SLC17A6: variants seen among roughly 807,000 people sequenced by gnomAD.
SLC17A6 encodes solute carrier family 17 member 6, also known as vesicular glutamate transporter 2.
SLC17A6 carries 35 observed loss-of-function variants against 67.1 expected under a neutral mutation model. The observed-to-expected ratio is 0.52, with a 90% confidence interval of 0.40 to 0.69. The LOEUF (loss-of-function observed/expected upper bound fraction) is 0.69. SLC17A6 is among the 30% of genes least tolerant of loss of function. SLC17A6 has a pLI of 0.00. For missense variants in SLC17A6, 588 were observed against 723.9 expected, an observed-to-expected ratio of 0.81 and a Z score of 2.15; for synonymous variants, 285 against 252.3, an observed-to-expected ratio of 1.13 and a Z score of -1.23.
chr11:22,372,285 A>G (rs1856182385), intron 8 of SLC17A6, among the ~76,000 whole-genome samples: 1 of 151,496 alleles, frequency 6.6e-6, no homozygotes, highest in Admixed American at 6.6e-5. Context: ...TAACTGAGAT[A>G]TACATATATA....
In SLC17A6 at chr11:22,376,526, A is replaced by G. The variant is rs776350731; in HGVS notation, c.1286-19A>G. On this transcript the variant is annotated intron_variant, in intron 10 of 11. Transcript: ENST00000263160. ...GACGTTTAGGATGCCCTGAGTCAAA[A>G]CTTATGTGTGTATTTCAGGTTTCAA... is the stretch of plus-strand genomic sequence containing the variant. 3 of 1,613,730 alleles carry G rather than the reference A, an allele frequency of 1.9e-6. No homozygotes were observed. Among genetic ancestry groups the G allele is most frequent in the Non-Finnish European group, 2.5e-6 (3 of 1,179,798 alleles).
intron 4 of SLC17A6, 66 bp downstream of exon 4, chr11:22,359,593 T>C: frequency 1.0e-5 from 9 of 882,896 alleles, no homozygotes; most frequent in Non-Finnish European, 1.5e-5. Flanking sequence ...AGTTTATCTT[T>C]GTCTTTATCT....
chr11:22,374,884 G>T lies in SLC17A6; in HGVS notation c.1171G>T (p.Gly391Cys), dbSNP rs779278797. ...TTTVRKIMNC[G>C]GFGMEATLLL... ...GACAGTGAGAAAGATCATGAATTGTGGTGGTAAGTACATAAGTGGCACTAA... is the reference window on the plus strand; with the variant it reads ...GACAGTGAGAAAGATCATGAATTGTTGTGGTAAGTACATAAGTGGCACTAA... The change falls in exon 9 of 12, where the codon GGT becomes TGT. Residue 391 changes from glycine (G) to cysteine (C), a missense_variant. Around this residue, in one of 4 missense-constraint regions of SLC17A6, gnomAD observed 414 missense variants for 563.4 expected, o/e 0.73. Coordinates refer to ENST00000263160, the MANE Select transcript of SLC17A6 (RefSeq NM_020346.3). 6.2e-7 allele frequency: 1 copy of T among 1,611,720 alleles called. No individual in the cohort carries two copies. Among genetic ancestry groups the T allele is most frequent in the Admixed American group, 1.7e-5 (1 of 59,560 alleles).
rs1281998573 is a variant in SLC17A6 at position 22,339,153 on chromosome 11, TTA to T, written c.86+544_86+545del. On this transcript the variant is annotated intron_variant, in intron 1 of 11. Transcript: ENST00000263160. ...TGTTATATATATATGTTATATATAGTTATATATATATGTTATATATATATGTT... is the reference window on the plus strand; with the variant it reads ...TGTTATATATATATGTTATATATAGTTATATATATGTTATATATATATGTT... Among the ~76,000 whole-genome samples, 15 of 26,392 alleles carry T rather than the reference TTA, an allele frequency of 5.7e-4. 2 individuals are homozygous for T. Among genetic ancestry groups the T allele is most frequent in the Non-Finnish European group, 8.4e-4 (13 of 15,436 alleles). The allele number at this position is 26,392 out of a possible 152,430, so 17.3% of individuals were successfully genotyped here. A position where few individuals can be genotyped will look rare whatever the true frequency, so the allele number is the denominator to read the frequency against.
At chr11:22,361,232 A>G (rs762846047) in intron 5 of SLC17A6, 2 of 393,126 alleles carry the variant, frequency 5.1e-6, no homozygotes, top group Admixed American at 4.0e-5. Context: ...AAATATATTC[A>G]TGGGTGGTTT....
intron 3 of SLC17A6, among the ~76,000 whole-genome samples, chr11:22,355,129 A>AT (rs1310057949): frequency 1.3e-5 from 2 of 152,048 alleles, no homozygotes; most frequent in African/African-American, 4.8e-5. Flanking sequence ...TAATATTCCC[A>AT]TTGTTTAGAT....
At position 22,378,199 on chromosome 11, in the gene SLC17A6, G is replaced by A. The variant is rs1312575935; in HGVS notation, c.*459G>A. On this transcript the variant is annotated 3_prime_UTR_variant, in exon 12 of 12. Transcript: ENST00000263160. ...ACATTTATTAAGTGAAAATCATGGA[G>A]TTGGGATATCTCTCAATTAAAGAAA... is the stretch of plus-strand genomic sequence containing the variant. The A allele has an allele frequency of 6.2e-6, 1 of 160,004 alleles. No homozygotes were observed. Among genetic ancestry groups the A allele is most frequent in the Non-Finnish European group, 1.4e-5 (1 of 73,292 alleles). 9.9% of individuals were successfully genotyped at this position (160,004 alleles called of 1,614,324 possible). A position where few individuals can be genotyped will look rare whatever the true frequency, so the allele number is the denominator to read the frequency against.
Position 22,377,479 on chromosome 11 carries a change from A to G in SLC17A6, c.1488A>G (p.Ile496Met), listed in dbSNP as rs1856244222. The G allele has an allele frequency of 6.2e-7, 1 of 1,614,026 alleles. No homozygotes were observed. The highest frequency in any genetic ancestry group is 1.3e-5 in the African/African-American group (1 of 74,916). Residue 496 changes from isoleucine (I) to methionine (M), a missense_variant, in exon 12 of 12, where the codon ATA (isoleucine) becomes ATG (methionine). Transcript: ENST00000263160. ...ATGGTGGAGTTATATTTTATGCAAT[A>G]TTTGCCTCAGGAGAGAAACAACCCT... ...VHYGGVIFYA[I>M]FASGEKQPWA...
At chr11:22,342,298 C>T (rs1855824155) in intron 2 of SLC17A6, among the ~76,000 whole-genome samples, 1 of 152,092 alleles carries the variant, frequency 6.6e-6, no homozygotes, top group Non-Finnish European at 1.5e-5. Context: ...CCCAGGGTGG[C>T]AGGGAGTCGC....
rs1283542238 is a variant in SLC17A6, at chr11:22,341,618, G to C, written c.177G>C (p.Leu59=). Residue 59 remains leucine (L), a synonymous_variant, in exon 2 of 12, where the codon CTG becomes CTC. Transcript: ENST00000263160. ...AGGTGCCCGAGAGGAAGGCGCCGCTGTGCGACTGCACGTGCTTCGGCCTGC... is the reference window on the plus strand; with the variant it reads ...AGGTGCCCGAGAGGAAGGCGCCGCTCTGCGACTGCACGTGCTTCGGCCTGC... ...PLEVPERKAP[L]CDCTCFGLPR... The C allele has an allele frequency of 1.2e-6, 2 of 1,614,078 alleles. No homozygotes were observed. Among genetic ancestry groups the C allele is most frequent in the African/African-American group, 2.7e-5 (2 of 75,072 alleles).
intron 6 of SLC17A6, among the ~76,000 whole-genome samples, chr11:22,364,357 A>T (rs976996731): frequency 1.3e-5 from 2 of 152,068 alleles, no homozygotes; most frequent in Admixed American, 1.3e-4. Flanking sequence ...CTACTTGTTG[A>T]TTTATATATT....
In SLC17A6 at chr11:22,338,599, A is replaced by G; in HGVS notation, c.66A>G (p.Lys22=). The G allele has an allele frequency of 6.2e-7, 1 of 1,613,566 alleles. No individual in the cohort carries two copies. Among genetic ancestry groups the G allele is most frequent in the Non-Finnish European group, 8.5e-7 (1 of 1,179,728 alleles). ...AGGGGCTAAAGAATTTTGCTGGAAA[A>G]TCACTCGGCCAGATCTACAGGTAAG... ...GKEGLKNFAG[K]SLGQIYRVLE... The change falls in exon 1 of 12, where the codon AAA becomes AAG. Residue 22 remains lysine, a synonymous_variant. Transcript: ENST00000263160.
chr11:22,374,941 A>G, intron 9 of SLC17A6, 54 bp downstream of exon 9: 1 of 1,486,630 alleles, frequency 6.7e-7, no homozygotes, highest in Non-Finnish European at 9.0e-7. Context: ...AGTTTAACCT[A>G]CATGAGAGAA....
Position 22,377,462 on chromosome 11 carries a change from G to A in SLC17A6, c.1471G>A (p.Val491Ile), listed in dbSNP as rs1220022951. 6.2e-7 allele frequency: 1 copy of A among 1,614,164 alleles called. No homozygotes were observed. Among genetic ancestry groups the A allele is most frequent in the Admixed American group, 1.7e-5 (1 of 60,014 alleles). ...LIAALVHYGG[V>I]IFYAIFASGE... ...CGCTGCCCTAGTCCACTATGGTGGAGTTATATTTTATGCAATATTTGCCTC... is the reference window on the plus strand; with the variant it reads ...CGCTGCCCTAGTCCACTATGGTGGAATTATATTTTATGCAATATTTGCCTC... The change falls in exon 12 of 12, where the codon GTT becomes ATT. Residue 491 changes from valine (V) to isoleucine (I), a missense_variant. This residue lies in a region of SLC17A6 where 414 missense variants were observed against 563.4 expected (regional missense o/e 0.73). Transcript: ENST00000263160.
Position 22,343,227 on chromosome 11 carries a change from T to A in SLC17A6, c.340-20T>A, listed in dbSNP as rs2133858537. On this transcript the variant is annotated intron_variant, in intron 2 of 11. Transcript: ENST00000263160. ...TGACTCTACTCTTTCCCTTCACACT[T>A]TTTTCCTACCCCTCCATAGAAAGCC... The A allele has an allele frequency of 6.2e-7, 1 of 1,601,622 alleles. No individual in the cohort carries two copies. The highest frequency in any genetic ancestry group is 1.3e-5 in the African/African-American group (1 of 74,704).
intron 1 of SLC17A6, among the ~76,000 whole-genome samples, chr11:22,340,358 TA>T (rs1375993503): frequency 6.6e-6 from 1 of 152,228 alleles, no homozygotes; most frequent in Non-Finnish European, 1.5e-5. Context: ...TTGTTGTTAA[TA>T]GAAATTTCAT....
chr11:22,364,065 A>C (rs548216865), intron 6 of SLC17A6, among the ~76,000 whole-genome samples: 52 of 152,322 alleles, frequency 3.4e-4, no homozygotes, highest in African/African-American at 1.2e-3. Flanking sequence ...TTATCATTGA[A>C]TGATACAAAA....
chr11:22,340,432 C>T (rs1855802440), intron 1 of SLC17A6, among the ~76,000 whole-genome samples: 1 of 152,170 alleles, frequency 6.6e-6, no homozygotes, highest in Admixed American at 6.5e-5. Context: ...CTCTGCATTC[C>T]CCTTTTCATT....
At chr11:22,349,262 A>T (rs905181997) in intron 3 of SLC17A6, among the ~76,000 whole-genome samples, 1 of 152,200 alleles carries the variant, frequency 6.6e-6, no homozygotes, top group Non-Finnish European at 1.5e-5. Context: ...TCCAGTGGAA[A>T]TGCTTTATAA....
Sources: allele counts gnomAD v4.1 joint callset (sites outside exome capture counted in the v4.1 genomes callset), GRCh38; gene constraint gnomAD v4.1.1; regional missense constraint gnomAD v4.1.1; transcripts MANE v1.5; gene names NCBI Gene and HGNC (gene_info 2026-07-23, HGNC 2026-07-21).